Variants in ZPBP observed in about 807,000 individuals in gnomAD.
ZPBP encodes zona pellucida binding protein.
In ZPBP, 26 loss-of-function variants were observed where a neutral mutation model predicts 44.8. That is an observed-to-expected ratio of 0.58 (90% CI 0.43 to 0.81). ZPBP has a LOEUF of 0.81. ZPBP is among the 30% of genes least tolerant of loss of function. ZPBP has a pLI of 0.00. For missense variants in ZPBP, 409 were observed against 434.0 expected (o/e 0.94, Z 0.51); for synonymous variants, 174 against 153.2 (o/e 1.14, Z -1.00).
chr7:49,897,097 T>G lies in ZPBP; in HGVS notation n.509+4021A>C, dbSNP rs931789628. Among the ~76,000 whole-genome samples the G allele has an allele frequency of 7.9e-5, 12 of 151,834 alleles. No homozygotes were observed. In the South Asian group the frequency reaches 2.1e-3, roughly 26 times the overall value. On this transcript the variant is annotated intron_variant and non_coding_transcript_variant, in intron 2 of 2. Transcript: ENST00000465922. Reference sequence around the variant, plus strand: ...TTTTTAGTAGAGACGGGGTTTCACCTTGTTAGCCAGGATGGTCTCGATCTC... The same window carrying G: ...TTTTTAGTAGAGACGGGGTTTCACCGTGTTAGCCAGGATGGTCTCGATCTC...
intron 1 of ZPBP, chr7:49,911,954 T>C (rs1793475975): frequency 1.1e-3 from 459 of 432,138 alleles, no homozygotes; most frequent in Middle Eastern, 2.0e-3. Context: ...CACATATATA[T>C]ACTGTAATGC....
chr7:49,965,603 G>A (rs1173345252), intron 7 of ZPBP, among the ~76,000 whole-genome samples: 1 of 151,994 alleles, frequency 6.6e-6, no homozygotes, highest in Non-Finnish European at 1.5e-5. Flanking sequence ...AGTTACATGA[G>A]TAAATACATG....
Position 50,044,661 on chromosome 7 carries a change from T to C in ZPBP, c.487+13328A>G, listed in dbSNP as rs368698269. On this transcript the variant is annotated intron_variant, in intron 4 of 7. Coordinates refer to ENST00000046087, the MANE Select transcript of ZPBP (RefSeq NM_007009.3). ...AATAGAACAATAACAAGTTCTGAAA[T>C]TGAGGCAGTAATAGTCTACCAACCA... Among the ~76,000 whole-genome samples, 30 of 152,242 alleles carry C rather than the reference T, an allele frequency of 2.0e-4. No individual in the cohort carries two copies. The East Asian group carries it at 5.6e-3, about 28-fold the overall frequency.
chr7:49,870,175 C>T (rs184963296), intron 2 of ZPBP, among the ~76,000 whole-genome samples: 132 of 152,088 alleles, frequency 8.7e-4, no homozygotes, highest in Middle Eastern at 3.4e-3. Context: ...CCGAGGTGGG[C>T]GGATCACGAG....
intron 7 of ZPBP, among the ~76,000 whole-genome samples, chr7:49,947,115 T>G (rs977063733): frequency 3.3e-5 from 5 of 152,156 alleles, no homozygotes; most frequent in African/African-American, 1.2e-4. Flanking sequence ...TTATCTTGAA[T>G]TCTGTTAAGC....
intron 3 of ZPBP, among the ~76,000 whole-genome samples, chr7:50,069,639 T>A (rs1012452724): frequency 6.6e-6 from 1 of 152,164 alleles, no homozygotes; most frequent in African/African-American, 2.4e-5. Context: ...TATCCCATAA[T>A]CACCACTAAA....
At chr7:50,072,005 G>A (rs1003371871) in intron 3 of ZPBP, among the ~76,000 whole-genome samples, 8 of 152,162 alleles carry the variant, frequency 5.3e-5, no homozygotes, top group African/African-American at 1.9e-4. Flanking sequence ...GAAAACTAAA[G>A]GGCACTTTGT....
chr7:49,983,447 G>A lies in ZPBP; in HGVS notation c.856C>T (p.Gln286Ter). 1 of 1,609,568 alleles carries A rather than the reference G, an allele frequency of 6.2e-7. No homozygotes were observed. The highest frequency in any genetic ancestry group is 8.5e-7 in the Non-Finnish European group (1 of 1,176,342). The change falls in exon 7 of 8, where the codon CAA becomes TAA. Residue 286 changes from glutamine to a stop codon, truncating the protein, a stop_gained. Coordinates refer to ENST00000046087, the MANE Select transcript of ZPBP (RefSeq NM_007009.3). LOFTEE classifies it high-confidence loss of function. The part of the protein sequence containing the change: ...ILGRRAEQLP[Q>*]IYYIEGTLQM... ...AGAGTACCTTCAATATAGTATATTTGAGGTAATTGTTCTGCACGTCTGCCA... is the reference window on the plus strand; with the variant it reads ...AGAGTACCTTCAATATAGTATATTTAAGGTAATTGTTCTGCACGTCTGCCA...
chr7:50,058,144 A>C lies in ZPBP; in HGVS notation c.335-3T>G. 3 of 1,613,626 alleles carry C rather than the reference A, an allele frequency of 1.9e-6. No individual in the cohort carries two copies. The highest frequency in any genetic ancestry group is 2.5e-6 in the Non-Finnish European group (3 of 1,179,740). On this transcript the variant is annotated splice_region_variant and splice_polypyrimidine_tract_variant and intron_variant, in intron 3 of 7. Transcript: ENST00000046087. The stretch of plus-strand genomic sequence containing the variant: ...TATTTGTGCAGTGCGGTTTTCTACT[A>C]AAGGAATAAGATACAGTTACGAGTT...
intron 5 of ZPBP, among the ~76,000 whole-genome samples, chr7:50,025,667 GA>G (rs1478630884): frequency 6.6e-6 from 1 of 151,642 alleles, no homozygotes; most frequent in African/African-American, 2.4e-5. Flanking sequence ...CACAAAACTG[GA>G]AAGCTGGAAA....
At chr7:49,999,192 A>C (rs1306674213) in intron 6 of ZPBP, among the ~76,000 whole-genome samples, 1 of 151,108 alleles carries the variant, frequency 6.6e-6, no homozygotes, top group African/African-American at 2.4e-5. Flanking sequence ...ATAACTCTCC[A>C]ATTCCTATAA....
chr7:49,941,993 A>G (rs1292784973), intron 7 of ZPBP, among the ~76,000 whole-genome samples: 1 of 152,154 alleles, frequency 6.6e-6, no homozygotes, highest in Non-Finnish European at 1.5e-5. Context: ...AAAGGATGCC[A>G]AGATCATTCA....
downstream of ZPBP, among the ~76,000 whole-genome samples, chr7:49,848,319 C>A (rs1198881181): frequency 1.3e-5 from 2 of 152,216 alleles, no homozygotes; most frequent in African/African-American, 4.8e-5. Context: ...TTTCCAGGAT[C>A]TTCTCTCTCC....
In ZPBP at chr7:50,031,248, T is replaced by C. The variant is rs1299521157; in HGVS notation, c.550A>G (p.Ser184Gly). The change falls in exon 5 of 8, where the codon AGC (serine) becomes GGC (glycine). Residue 184 changes from serine to glycine, a missense_variant. By Grantham distance (56) the Ser-to-Gly change is moderately conservative. Coordinates refer to ENST00000046087, the MANE Select transcript of ZPBP (RefSeq NM_007009.3). ...TTCTCAAAAGAAATATTATAAATGCTATTGCAGGGAGCTGCATGATATCGA... is the reference window on the plus strand; with the variant it reads ...TTCTCAAAAGAAATATTATAAATGCCATTGCAGGGAGCTGCATGATATCGA... ...TARYHAAPCN[S>G]IYNISFEKKL... The C allele has an allele frequency of 1.2e-6, 2 of 1,612,562 alleles. No homozygotes were observed. The highest frequency in any genetic ancestry group is 1.7e-6 in the Non-Finnish European group (2 of 1,179,832).
chr7:49,856,080 G>A lies in ZPBP; in HGVS notation n.510-5566C>T, dbSNP rs139988169. ...AGGGCTGATGTTCCCTTCTGTCCCC[G>A]GAAACACCACCCTACTGGGAGGCAA... On this transcript the variant is annotated intron_variant and non_coding_transcript_variant, in intron 2 of 2. Transcript: ENST00000465922. Among the ~76,000 whole-genome samples, 938 of 152,202 alleles carry A rather than the reference G, an allele frequency of 6.2e-3. 18 individuals carry two copies. Among genetic ancestry groups the A allele is most frequent in the Middle Eastern group, 0.01 (3 of 294 alleles).
intron 5 of ZPBP, among the ~76,000 whole-genome samples, chr7:50,022,253 A>G (rs1201630320): frequency 6.6e-6 from 1 of 152,160 alleles, no homozygotes; most frequent in African/African-American, 2.4e-5. Context: ...ATAGATAAAT[A>G]TAACAGTCAG....
At chr7:49,867,339 C>T (rs951936467) in intron 2 of ZPBP, among the ~76,000 whole-genome samples, 2 of 152,132 alleles carry the variant, frequency 1.3e-5, no homozygotes, top group South Asian at 4.1e-4. Flanking sequence ...TCAGAAAGGC[C>T]GTCCTTACAT....
chr7:49,976,152 T>C (rs1796505531), intron 7 of ZPBP, among the ~76,000 whole-genome samples: 2 of 152,216 alleles, frequency 1.3e-5, no homozygotes, highest in Admixed American at 1.3e-4. Context: ...CATGATCATA[T>C]ATATTTAGTT....
At chr7:49,891,243 C>T (rs529595116) in intron 2 of ZPBP, among the ~76,000 whole-genome samples, 1 of 152,210 alleles carries the variant, frequency 6.6e-6, no homozygotes, top group East Asian at 1.9e-4. Flanking sequence ...AGGCAAGAAG[C>T]ATCTCTTGAG....
Sources: gnomAD v4.1 joint callset for allele counts (sites outside exome capture counted in the v4.1 genomes callset) on GRCh38, gnomAD v4.1.1 for gene constraint, MANE v1.5 for transcripts, NCBI Gene and HGNC (gene_info 2026-07-23, HGNC 2026-07-21) for gene names.